Variants in XDH observed in about 807,000 individuals in gnomAD.
The protein encoded by XDH is xanthine dehydrogenase.
Under a neutral mutation model 156.1 loss-of-function variants are expected in XDH, and 138 were observed. That is an observed-to-expected ratio of 0.88 (90% CI 0.77 to 1.02). The LOEUF is 1.02. XDH is among the 50% of genes least tolerant of loss of function. XDH has a pLI of 0.00. For synonymous variants in XDH, 669 were observed against 625.7 expected (o/e 1.07, Z -1.03); for missense variants, 1,849 against 1,684.9 (o/e 1.10, Z -1.71).
intron 32 of XDH, 37 bp from the exon 33 acceptor site, chr2:31,341,431 G>A: frequency 2.6e-6 from 4 of 1,550,352 alleles, no homozygotes; most frequent in Non-Finnish European, 3.5e-6. Flanking sequence ...AGTTAGAGGA[G>A]GAAAAGATGT....
chr2:31,403,248 C>T (rs1446476419), intron 2 of XDH, 104 bp from the exon 3 acceptor site: 17 of 1,240,542 alleles, frequency 1.4e-5, no homozygotes, highest in South Asian at 1.1e-4. Flanking sequence ...CATTCCCACA[C>T]GTGCTCAGGC....
chr2:31,393,756 C>A (rs1686833178), intron 6 of XDH, among the ~76,000 whole-genome samples: 1 of 149,104 alleles, frequency 6.7e-6, no homozygotes, highest in Non-Finnish European at 1.5e-5. Flanking sequence ...TATATAATTT[C>A]ATCTCCTTTC....
chr2:31,362,217 A>G (rs1033627052), intron 24 of XDH, among the ~76,000 whole-genome samples: 2 of 152,188 alleles, frequency 1.3e-5, no homozygotes, highest in Non-Finnish European at 2.9e-5. Context: ...TCGAGGCACC[A>G]TTGACTATGA....
In XDH at chr2:31,346,770, C is replaced by T; in HGVS notation, c.3350G>A (p.Trp1117Ter). 1 of 1,614,170 alleles carries T rather than the reference C, an allele frequency of 6.2e-7. No homozygotes were observed. Among genetic ancestry groups the T allele is most frequent in the East Asian group, 2.2e-5 (1 of 44,882 alleles). ...TGACTTGGATCAGCTCAGACTTACC[C>T]AGTCTTCCCAGGAGCCACTGGGATT... ...KKNPSGSWEDWVTAAYMDTVS... is the reference protein window; with the variant it reads ...KKNPSGSWED The change falls in exon 30 of 36, where the codon TGG (tryptophan) becomes TAG (stop). Residue 1117 changes from tryptophan to a stop codon, truncating the protein, a stop_gained and splice_region_variant. Coordinates refer to ENST00000379416, the MANE Select transcript of XDH (RefSeq NM_000379.4). LOFTEE classifies it high-confidence loss of function.
chr2:31,348,616 C>G (rs555415051), intron 27 of XDH, among the ~76,000 whole-genome samples: 2 of 152,324 alleles, frequency 1.3e-5, no homozygotes, highest in Admixed American at 1.3e-4. Flanking sequence ...TGTCCTCACT[C>G]TGTAAGTGAA....
At chr2:31,337,861 C>T in intron 34 of XDH, 44 bp from the exon 35 acceptor site, 1 of 1,600,514 alleles carries the variant, frequency 6.2e-7, no homozygotes, top group Non-Finnish European at 8.5e-7. Context: ...GGCAGGTGGT[C>T]CTGCCTCCAC....
At chr2:31,371,866 G>A (rs1409674752) in intron 17 of XDH, among the ~76,000 whole-genome samples, 3 of 152,292 alleles carry the variant, frequency 2.0e-5, no homozygotes, top group South Asian at 2.1e-4. Flanking sequence ...GATCTGCTCA[G>A]CAGGGTATGT....
chr2:31,405,642 T>C (rs1393222505), intron 2 of XDH, among the ~76,000 whole-genome samples: 2 of 152,330 alleles, frequency 1.3e-5, no homozygotes, highest in Admixed American at 6.5e-5. Flanking sequence ...AGGACCTTTC[T>C]ACAGGCCCTG....
chr2:31,398,849 T>C, intron 4 of XDH, 150 bp from the exon 5 acceptor site: 2 of 1,320,798 alleles, frequency 1.5e-6, no homozygotes, highest in Non-Finnish European at 2.1e-6. Context: ...TTACCAACTG[T>C]GACCTTGGCC....
chr2:31,381,051 A>T (rs1686424343), intron 12 of XDH, among the ~76,000 whole-genome samples: 1 of 152,008 alleles, frequency 6.6e-6, no homozygotes, highest in Non-Finnish European at 1.5e-5. Flanking sequence ...GCTGGAGTGC[A>T]GTGGTGAGAT....
In XDH at chr2:31,335,624, G is replaced by C; in HGVS notation, c.*334C>G. On this transcript the variant is annotated 3_prime_UTR_variant, in exon 36 of 36. Transcript: ENST00000379416. The stretch of plus-strand genomic sequence containing the variant: ...CCTCTTCAAAGGACAGACACCATCA[G>C]AACTTGAGGTTATACAGGCTGTCCA... The C allele has an allele frequency of 2.3e-6, 1 of 429,284 alleles. No homozygotes were observed. Among genetic ancestry groups the C allele is most frequent in the Non-Finnish European group, 4.4e-6 (1 of 229,820 alleles). 26.6% of individuals were successfully genotyped at this position (429,284 alleles called of 1,614,324 possible).
intron 6 of XDH, among the ~76,000 whole-genome samples, chr2:31,394,363 G>C (rs554797781): frequency 6.6e-6 from 1 of 152,200 alleles, no homozygotes; most frequent in East Asian, 1.9e-4. Flanking sequence ...TTGCTTGCAT[G>C]GTTTCTGGGA....
intron 16 of XDH, 139 bp from the exon 17 acceptor site, chr2:31,372,536 G>C: frequency 2.6e-6 from 3 of 1,136,376 alleles, no homozygotes; most frequent in Non-Finnish European, 2.5e-6. Flanking sequence ...GGGGCGTGGG[G>C]CAAAGGGAAC....
intron 26 of XDH, 146 bp from the exon 27 acceptor site, chr2:31,349,126 G>T (rs1224367529): frequency 2.6e-6 from 2 of 774,496 alleles, no homozygotes; most frequent in Non-Finnish European, 2.2e-6. Context: ...ACACCAGGGG[G>T]TCTTGTCAAC....
At chr2:31,403,257 G>A (rs1023637404) in intron 2 of XDH, 113 bp from the exon 3 acceptor site, 1 of 1,159,054 alleles carries the variant, frequency 8.6e-7, no homozygotes, top group Non-Finnish European at 1.2e-6. Context: ...ACGTGCTCAG[G>A]CCCCTCAACC....
At chr2:31,353,563 G>A (rs547012601) in intron 24 of XDH, among the ~76,000 whole-genome samples, 2 of 152,288 alleles carry the variant, frequency 1.3e-5, no homozygotes, top group African/African-American at 2.4e-5. Flanking sequence ...AGTTCCAGGG[G>A]TTTCCTTTTT....
At chr2:31,396,671 T>C (rs1301086328) in intron 6 of XDH, among the ~76,000 whole-genome samples, 4 of 152,344 alleles carry the variant, frequency 2.6e-5, no homozygotes, top group Admixed American at 6.5e-5. Context: ...ACCAACCTAA[T>C]AGAAACAAGG....
rs879419796 is a variant in XDH, at chr2:31,402,162, T to TA, written c.198-835dup. 8.6e-5 allele frequency among the ~76,000 whole-genome samples: 13 copies of TA among 152,010 alleles called. No homozygotes were observed. The East Asian group carries it at 9.7e-4, about 11-fold the overall frequency. On this transcript the variant is annotated intron_variant, in intron 3 of 35. Coordinates refer to ENST00000379416, the MANE Select transcript of XDH (RefSeq NM_000379.4). ...CTACTTCTTACGAATATCTTTATAT[T>TA]AAAAAAAAGCCTTACGATCAACCAA...
intron 18 of XDH, 33 bp downstream of exon 18, chr2:31,370,322 A>G: frequency 6.2e-7 from 1 of 1,611,838 alleles, no homozygotes; most frequent in Non-Finnish European, 8.5e-7. Flanking sequence ...ATACTTATTC[A>G]ATTTACTTCA....
Sources: allele counts gnomAD v4.1 joint callset (sites outside exome capture counted in the v4.1 genomes callset), GRCh38; gene constraint gnomAD v4.1.1; transcripts MANE v1.5; gene names NCBI Gene and HGNC (gene_info 2026-07-23, HGNC 2026-07-21).